Variants in PLCL2 observed in about 807,000 individuals in gnomAD.
The protein encoded by PLCL2 is phospholipase C like 2.
A neutral mutation model predicts 79.6 loss-of-function variants in PLCL2; 4 were observed. The ratio of observed to expected loss-of-function variants is 0.05; its 90% CI spans 0.02 to 0.11. PLCL2 has a LOEUF of 0.11. Among genes scored for constraint, PLCL2 ranks in the 10% least tolerant of loss-of-function variants. The probability of loss-of-function intolerance (pLI) is 1.00; values close to 1 mark genes in which losing one functional copy is unlikely to be tolerated. For synonymous variants in PLCL2, 484 were observed against 457.7 expected (o/e 1.06, Z -0.73); for missense variants, 895 against 1,291.0 (o/e 0.69, Z 4.70).
intron 4 of PLCL2, among the ~76,000 whole-genome samples, chr3:17,043,843 C>G (rs2064753799): frequency 6.6e-6 from 1 of 152,132 alleles, no homozygotes; most frequent in Admixed American, 6.5e-5. Flanking sequence ...CCACAATCCC[C>G]ATCTTGTTTT....
At chr3:17,017,283 A>C (rs1228154544) in intron 3 of PLCL2, among the ~76,000 whole-genome samples, 1 of 152,232 alleles carries the variant, frequency 6.6e-6, no homozygotes, top group Non-Finnish European at 1.5e-5. Context: ...ACTCTTTTAT[A>C]ATGTATAATT....
chr3:16,927,321 G>A (rs901713821), intron 1 of PLCL2, among the ~76,000 whole-genome samples: 1 of 151,982 alleles, frequency 6.6e-6, no homozygotes, highest in Non-Finnish European at 1.5e-5. Flanking sequence ...TGCTACAAAT[G>A]TGTTGTAAAT....
intron 3 of PLCL2, among the ~76,000 whole-genome samples, chr3:17,015,690 G>A (rs1346624485): frequency 6.6e-6 from 1 of 152,102 alleles, no homozygotes; most frequent in Non-Finnish European, 1.5e-5. Context: ...AGTACTTGGG[G>A]GTGAGTACCT....
intron 4 of PLCL2, among the ~76,000 whole-genome samples, chr3:17,056,329 G>C (rs543076595): frequency 1.2e-4 from 19 of 152,172 alleles, no homozygotes; most frequent in South Asian, 4.1e-4. Flanking sequence ...ATACACACAT[G>C]TATGTGTGTA....
intron 1 of PLCL2, among the ~76,000 whole-genome samples, chr3:16,919,800 G>A (rs752586001): frequency 2.6e-5 from 4 of 152,110 alleles, no homozygotes; most frequent in Admixed American, 6.6e-5. Flanking sequence ...CTGAGGTATT[G>A]GCACATGCAT....
At chr3:16,944,540 A>G (rs2063583024) in intron 1 of PLCL2, among the ~76,000 whole-genome samples, 1 of 152,128 alleles carries the variant, frequency 6.6e-6, no homozygotes, top group African/African-American at 2.4e-5. Flanking sequence ...CTCTAATCTA[A>G]TATGTGTCCT....
rs533576392 is a variant in PLCL2, at chr3:16,976,380, C to G, written c.328-33294C>G. 3.9e-5 allele frequency among the ~76,000 whole-genome samples: 6 copies of G among 152,232 alleles called. No homozygotes were observed. The South Asian group carries it at 1.2e-3, about 32-fold the overall frequency. Reference sequence around the variant, plus strand: ...TGATGTTCAGTCTTAAATTCAAAGGCTGGAAACTCAGGAAGATTTTCTGTA... The same window carrying G: ...TGATGTTCAGTCTTAAATTCAAAGGGTGGAAACTCAGGAAGATTTTCTGTA... On this transcript the variant is annotated intron_variant, in intron 1 of 5. Coordinates refer to ENST00000615277, the MANE Select transcript of PLCL2 (RefSeq NM_001144382.2).
rs181362432 is a variant in PLCL2, at chr3:16,916,909, G to A, written c.327+31543G>A. 2.3e-3 allele frequency among the ~76,000 whole-genome samples: 353 copies of A among 152,124 alleles called. 2 individuals carry two copies. The highest frequency in any genetic ancestry group is 8.1e-3 in the African/African-American group (338 of 41,492). On this transcript the variant is annotated intron_variant, in intron 1 of 5. Coordinates refer to ENST00000615277, the MANE Select transcript of PLCL2 (RefSeq NM_001144382.2). ...TCCATGTGTCATCCTGTACCTCAAA[G>A]GGTGGAGGAACAACTTATGTGTTCT...
intron 4 of PLCL2, among the ~76,000 whole-genome samples, chr3:17,064,352 T>C (rs560038776): frequency 6.6e-6 from 1 of 152,324 alleles, no homozygotes; most frequent in African/African-American, 2.4e-5. Flanking sequence ...CTGGTACCTA[T>C]GCAATAGCCC....
intron 5 of PLCL2, among the ~76,000 whole-genome samples, chr3:17,088,155 G>C (rs974250903): frequency 5.3e-5 from 8 of 152,134 alleles, no homozygotes; most frequent in African/African-American, 1.7e-4. Flanking sequence ...CTGTGGATTT[G>C]GGCCTCATGA....
intron 1 of PLCL2, among the ~76,000 whole-genome samples, chr3:16,957,015 T>G (rs144636523): frequency 0.15 from 23,354 of 152,144 alleles, 2,079 homozygotes; most frequent in African/African-American, 0.24. Flanking sequence ...GGGTTTTTTG[T>G]GTCTCTATTT....
intron 1 of PLCL2, among the ~76,000 whole-genome samples, chr3:16,931,835 T>A (rs567893219): frequency 1.3e-5 from 2 of 152,238 alleles, no homozygotes; most frequent in African/African-American, 4.8e-5. Context: ...AATAAACTTA[T>A]GATTGCATGT....
chr3:17,021,737 C>T (rs758235859), intron 3 of PLCL2, among the ~76,000 whole-genome samples: 23 of 152,008 alleles, frequency 1.5e-4, no homozygotes, highest in African/African-American at 2.2e-4. Context: ...AGCTTTTATC[C>T]ATTAAGTTGG....
At chr3:16,947,343 C>G (rs141920990) in intron 1 of PLCL2, among the ~76,000 whole-genome samples, 41 of 152,288 alleles carry the variant, frequency 2.7e-4, no homozygotes, top group Non-Finnish European at 5.3e-4. Context: ...TAAACTCTTA[C>G]AGTTGTGAGA....
intron 1 of PLCL2, among the ~76,000 whole-genome samples, chr3:16,947,082 A>G (rs955171091): frequency 9.4e-5 from 14 of 149,582 alleles, no homozygotes; most frequent in Admixed American, 5.4e-4. Context: ...CAGCCTCCCA[A>G]GTAGCTTGGA....
Position 17,010,043 on chromosome 3 carries a change from G to A in PLCL2, c.697G>A (p.Ala233Thr). 6.2e-7 allele frequency: 1 copy of A among 1,612,800 alleles called. No homozygotes were observed. Among genetic ancestry groups the A allele is most frequent in the Non-Finnish European group, 8.5e-7 (1 of 1,178,822 alleles). ...GENYESLDLV[A>T]NSADVANIWV... Reference sequence around the variant, plus strand: ...GAATTATGAGTCACTGGATTTGGTTGCCAACTCCGCAGATGTTGCAAACAT... The same window carrying A: ...GAATTATGAGTCACTGGATTTGGTTACCAACTCCGCAGATGTTGCAAACAT... Residue 233 changes from alanine (A) to threonine (T), a missense_variant, in exon 2 of 6, where the codon GCC becomes ACC. This residue lies in a region of PLCL2 where 129 missense variants were observed against 208.8 expected (regional missense o/e 0.62). Coordinates refer to ENST00000615277, the MANE Select transcript of PLCL2 (RefSeq NM_001144382.2). The surrounding 1 kb of genome is among the most constrained non-coding windows in gnomAD (Gnocchi z 5.8).
At chr3:16,963,616 A>C (rs1220428023) in intron 1 of PLCL2, among the ~76,000 whole-genome samples, 1 of 152,166 alleles carries the variant, frequency 6.6e-6, no homozygotes, top group Non-Finnish European at 1.5e-5. Flanking sequence ...AAAGTAGAAT[A>C]GAGAGCAATC....
At chr3:16,892,359 A>G (rs961733118) in intron 1 of PLCL2, among the ~76,000 whole-genome samples, 1 of 152,092 alleles carries the variant, frequency 6.6e-6, no homozygotes, top group Non-Finnish European at 1.5e-5. Flanking sequence ...GGCCTTTGAA[A>G]TTTTCTTTTG....
chr3:17,011,929 G>A lies in PLCL2; in HGVS notation c.2583G>A (p.Leu861=), dbSNP rs765356108. 1.7e-5 allele frequency: 27 copies of A among 1,614,074 alleles called. No individual in the cohort carries two copies. The highest frequency in any genetic ancestry group is 8.3e-5 in the Admixed American group (5 of 60,004). Residue 861 remains leucine (L), a synonymous_variant, in exon 2 of 6, where the codon CTG becomes CTA. Transcript: ENST00000615277. This position sits in a 1 kb window ranked among gnomAD's most constrained non-coding sequence, Gnocchi z 7.9. ...AGACGGGCTACCGCCATGTCCCCCT[G>A]CAGTCCTTAACTGGAGAGGTCCTTG... ...CLQTGYRHVP[L]QSLTGEVLAH...
Sources: allele counts gnomAD v4.1 joint callset (sites outside exome capture counted in the v4.1 genomes callset), GRCh38; gene constraint gnomAD v4.1.1; regional missense constraint gnomAD v4.1.1; non-coding constraint Gnocchi (gnomAD v3.1); transcripts MANE v1.5; gene names NCBI Gene and HGNC (gene_info 2026-07-23, HGNC 2026-07-21).